Variants in NDST4 observed in about 807,000 individuals in gnomAD.
NDST4 encodes N-deacetylase and N-sulfotransferase 4.
NDST4 carries 63 observed loss-of-function variants against 100.8 expected under a neutral mutation model. That is an observed-to-expected ratio of 0.62 (90% confidence interval 0.51 to 0.77). The LOEUF (loss-of-function observed/expected upper bound fraction) is 0.77, where lower values mean the gene tolerates loss of function less well. NDST4 is among the 30% of genes least tolerant of loss of function. NDST4 has a pLI of 0.00. For synonymous variants in NDST4, 377 were observed against 361.8 expected, an observed-to-expected ratio of 1.04 and a Z score of -0.48; for missense variants, 943 against 1,018.4, an observed-to-expected ratio of 0.93 and a Z score of 1.01.
At chr4:114,881,479 G>C (rs1259030214) in intron 6 of NDST4, among the ~76,000 whole-genome samples, 1 of 151,938 alleles carries the variant, frequency 6.6e-6, no homozygotes, top group Non-Finnish European at 1.5e-5. Context: ...AGACTGAGAG[G>C]AACAGAAACC....
intron 7 of NDST4, among the ~76,000 whole-genome samples, chr4:114,864,106 A>G (rs1354493587): frequency 1.3e-5 from 2 of 152,070 alleles, no homozygotes; most frequent in South Asian, 2.1e-4. Flanking sequence ...TTTGCTCACT[A>G]TTCTCCACAT....
At chr4:115,038,373 G>T (rs1219049224) in intron 2 of NDST4, among the ~76,000 whole-genome samples, 2 of 152,054 alleles carry the variant, frequency 1.3e-5, no homozygotes, top group Non-Finnish European at 2.9e-5. Context: ...ATGGAAAAGG[G>T]AGCCCTCAGC....
intron 6 of NDST4, among the ~76,000 whole-genome samples, chr4:114,880,206 A>ATTAAAAGG: frequency 6.6e-6 from 1 of 152,278 alleles, no homozygotes; most frequent in South Asian, 2.1e-4. Flanking sequence ...ACACATGCTC[A>ATTAAAAGG]CAACCGTACA....
chr4:114,911,718 T>C (rs1392960452), intron 6 of NDST4, among the ~76,000 whole-genome samples: 1 of 152,194 alleles, frequency 6.6e-6, no homozygotes, highest in East Asian at 1.9e-4. Context: ...TGGGTATTTT[T>C]TCCTTTAAAA....
In NDST4 at chr4:114,994,018, T is replaced by G. The variant is rs189852367; in HGVS notation, c.979-16744A>C. On this transcript the variant is annotated intron_variant, in intron 2 of 13. Transcript: ENST00000264363. ...TTGATGCCATATTGTTAAAACACAT[T>G]TGTATAAATTCCAAAAAGAATATCT... Among the ~76,000 whole-genome samples, 206 of 152,088 alleles carry G rather than the reference T, an allele frequency of 1.4e-3. 2 individuals carry two copies. The highest frequency in any genetic ancestry group is 4.6e-3 in the African/African-American group (192 of 41,552).
At chr4:115,090,629 T>C (rs1372263502) in intron 1 of NDST4, among the ~76,000 whole-genome samples, 1 of 152,084 alleles carries the variant, frequency 6.6e-6, no homozygotes, top group African/African-American at 2.4e-5. Context: ...AAATTTGATT[T>C]TTTTAATGGG....
rs57987259 is a variant in NDST4 at position 114,847,375 on chromosome 4, C to CAA, written c.1940+838_1940+839dup. Among the ~76,000 whole-genome samples, 56 of 18,234 alleles carry CAA rather than the reference C, an allele frequency of 3.1e-3. 13 individuals carry two copies. Among genetic ancestry groups the CAA allele is most frequent in the Middle Eastern group, 0.026 (1 of 38 alleles). The allele number at this position is 18,234 out of a possible 152,430, so 12.0% of individuals were successfully genotyped here. A position where few individuals can be genotyped will look rare whatever the true frequency, so the allele number is the denominator to read the frequency against. On this transcript the variant is annotated intron_variant, in intron 9 of 13. Transcript: ENST00000264363. ...TGGGCGACAGAGCGAGACTCCGTCT[C>CAA]AAAAAAAAAAAAAAAAAAAAAAAAA... is the stretch of plus-strand genomic sequence containing the variant.
intron 7 of NDST4, among the ~76,000 whole-genome samples, chr4:114,869,454 A>T (rs575970147): frequency 1.4e-3 from 206 of 152,272 alleles, no homozygotes; most frequent in African/African-American, 4.5e-3. Flanking sequence ...TCAATTTTAT[A>T]AAAGTATGTG....
chr4:114,980,787 AACTC>A (rs1181316848), intron 2 of NDST4, among the ~76,000 whole-genome samples: 2 of 152,288 alleles, frequency 1.3e-5, no homozygotes, highest in East Asian at 1.9e-4. Flanking sequence ...GCTTATGAAG[AACTC>A]ACTAAGTTGA....
intron 12 of NDST4, among the ~76,000 whole-genome samples, chr4:114,832,371 T>G (rs998616243): frequency 1.3e-5 from 2 of 152,210 alleles, no homozygotes; most frequent in Admixed American, 6.5e-5. Context: ...TCTAATCTGC[T>G]GCGAACTGGG....
chr4:114,907,801 G>A (rs1724983004), intron 6 of NDST4, among the ~76,000 whole-genome samples: 1 of 151,966 alleles, frequency 6.6e-6, no homozygotes, highest in African/African-American at 2.4e-5. Flanking sequence ...AAAAAAGAGG[G>A]CCAAAGAGAG....
At chr4:114,893,179 A>G (rs1425527706) in intron 6 of NDST4, among the ~76,000 whole-genome samples, 1 of 152,102 alleles carries the variant, frequency 6.6e-6, no homozygotes, top group Non-Finnish European at 1.5e-5. Context: ...TGTCTTTGCT[A>G]TTGCAAATAG....
At chr4:115,094,937 G>A (rs1482849938) in intron 1 of NDST4, among the ~76,000 whole-genome samples, 1 of 152,098 alleles carries the variant, frequency 6.6e-6, no homozygotes, top group Non-Finnish European at 1.5e-5. Flanking sequence ...AAGGCACTCA[G>A]GTTTTAGTGC....
intron 1 of NDST4, among the ~76,000 whole-genome samples, chr4:115,096,588 C>T (rs1432522939): frequency 6.6e-6 from 1 of 151,814 alleles, no homozygotes; most frequent in East Asian, 1.9e-4. Flanking sequence ...CTAAGGACAC[C>T]CTCCTTAGCT....
chr4:114,954,762 A>G (rs1171757025), intron 4 of NDST4, among the ~76,000 whole-genome samples: 2 of 152,118 alleles, frequency 1.3e-5, no homozygotes, highest in East Asian at 3.8e-4. Flanking sequence ...AGCGTTGGAG[A>G]TGAAGCCTGG....
intron 1 of NDST4, among the ~76,000 whole-genome samples, chr4:115,105,877 C>T (rs931695759): frequency 1.3e-5 from 2 of 152,136 alleles, no homozygotes; most frequent in African/African-American, 4.8e-5. Flanking sequence ...GATAACTATA[C>T]TGCTCCCTTT....
intron 11 of NDST4, among the ~76,000 whole-genome samples, chr4:114,835,107 C>T (rs575233472): frequency 6.4e-4 from 97 of 152,138 alleles, no homozygotes; most frequent in African/African-American, 2.3e-3. Context: ...TCATGTCTAT[C>T]TCCTTCAGTT....
rs184018443 is a variant in NDST4 at position 114,980,031 on chromosome 4, A to T, written c.979-2757T>A. Among the ~76,000 whole-genome samples, 374 of 152,276 alleles carry T rather than the reference A, an allele frequency of 2.5e-3. 1 individual carries two copies. The highest frequency in any genetic ancestry group is 2.7e-3 in the Non-Finnish European group (187 of 68,018). On this transcript the variant is annotated intron_variant, in intron 2 of 13. Coordinates refer to ENST00000264363, the MANE Select transcript of NDST4 (RefSeq NM_022569.3). ...AAAAAAAATCAGAAATAAATTTAAA[A>T]GAGAAAAGTGCTAAACCATACAAAT...
At chr4:114,870,630 G>T in intron 7 of NDST4, 138 bp downstream of exon 7, 5 of 639,346 alleles carry the variant, frequency 7.8e-6, no homozygotes, top group Non-Finnish European at 1.2e-5. Context: ...TGAGGAAGAG[G>T]ATAAAAGTAT....
Sources: allele counts gnomAD v4.1 joint callset (sites outside exome capture counted in the v4.1 genomes callset), GRCh38; gene constraint gnomAD v4.1.1; transcripts MANE v1.5; gene names NCBI Gene and HGNC (gene_info 2026-07-23, HGNC 2026-07-21).